Variants in MYO15A observed in about 807,000 individuals in gnomAD.
The protein encoded by MYO15A is myosin XVA, also known as unconventional myosin-XV.
MYO15A carries 308 observed loss-of-function variants against 394.6 expected under a neutral mutation model. The observed-to-expected ratio is 0.78, with a 90% CI of 0.71 to 0.86. MYO15A has a LOEUF of 0.86. Ranked by LOEUF, MYO15A falls within the 40% of genes least tolerant of loss-of-function variation. The pLI is 0.00. For synonymous variants in MYO15A, 1,957 were observed against 2,003.8 expected (o/e 0.98, Z 0.62); for missense variants, 4,606 against 4,799.1 (o/e 0.96, Z 1.19).
chr17:18,133,477 A>C, intron 12 of MYO15A, 91 bp downstream of exon 12: 3 of 1,509,368 alleles, frequency 2.0e-6, no homozygotes, highest in East Asian at 2.3e-5. Context: ...TTCAGATTAC[A>C]CTATGCACAT....
rs769671977 is a variant in MYO15A, at chr17:18,137,721, G to C, written c.4875+42G>C. 6.9e-6 allele frequency: 11 copies of C among 1,591,818 alleles called. No individual in the cohort carries two copies. The African/African-American group carries it at 1.3e-4, about 19-fold the overall frequency. ...AATACTCCTGTCCCTGTCTTGACTG[G>C]CCAGTGGACCTCCTTGGAGACAGAT... On this transcript the variant is annotated intron_variant, in intron 16 of 65. Coordinates refer to ENST00000647165, the MANE Select transcript of MYO15A (RefSeq NM_016239.4).
chr17:18,131,179 A>C (rs2142299030), intron 8 of MYO15A, 60 bp from the exon 9 acceptor site: 10 of 1,432,090 alleles, frequency 7.0e-6, no homozygotes, highest in South Asian at 1.2e-5. Flanking sequence ...TATGCCCCCC[A>C]CCCAGGCCCC....
Position 18,167,684 on chromosome 17 carries a change from T to A in MYO15A, c.10043T>A (p.Leu3348Gln). The change falls in exon 62 of 66, where the codon CTG becomes CAG. Residue 3348 changes from leucine to glutamine, a missense_variant. Around this residue, in one of 2 missense-constraint regions of MYO15A, gnomAD observed 2,776 missense variants for 3,109.3 expected, o/e 0.89. Coordinates refer to ENST00000647165, the MANE Select transcript of MYO15A (RefSeq NM_016239.4). ...CAGCAGGTGTCCAAGCTGGCTTCAC[T>A]GCAGCATCGCGCCAAGGACCACTTC... ...LLQQVSKLAS[L>Q]QHRAKDHFYL... The A allele has an allele frequency of 1.2e-6, 2 of 1,604,384 alleles. No individual in the cohort carries two copies. Among genetic ancestry groups the A allele is most frequent in the South Asian group, 2.2e-5 (2 of 91,086 alleles).
intron 7 of MYO15A, among the ~76,000 whole-genome samples, chr17:18,129,934 C>T (rs2046121767): frequency 6.6e-6 from 1 of 152,116 alleles, no homozygotes; most frequent in South Asian, 2.1e-4. Flanking sequence ...GGCTGGAGTG[C>T]AGTGGTGCCA....
intron 1 of MYO15A, chr17:18,109,810 G>A (rs2045700186): frequency 1.3e-5 from 2 of 152,204 alleles, no homozygotes; most frequent in African/African-American, 4.8e-5. Context: ...GTACATAGGA[G>A]CCAAAGACAT....
intron 47 of MYO15A, chr17:18,155,843 AC>A (rs2046665873): frequency 4.7e-6 from 2 of 425,048 alleles, no homozygotes; most frequent in Non-Finnish European, 8.8e-6. Flanking sequence ...TGGGAATGGA[AC>A]CTTGCTAACT....
At position 18,156,949 on chromosome 17, in the gene MYO15A, C is replaced by T. The variant is rs1457086520; in HGVS notation, c.8602-5C>T. ...TTGCCCTCACCCTGCCTCTGGCTGA[C>T]CCAGGACTCTGACTACGTGGTCGCT... On this transcript the variant is annotated splice_region_variant and splice_polypyrimidine_tract_variant and intron_variant, in intron 48 of 65. Transcript: ENST00000647165. 6.2e-7 allele frequency: 1 copy of T among 1,613,890 alleles called. No individual in the cohort carries two copies.
chr17:18,144,382 G>A (rs2046438652), intron 28 of MYO15A, 115 bp from the exon 29 acceptor site: 5 of 1,000,640 alleles, frequency 5.0e-6, no homozygotes, highest in Non-Finnish European at 3.1e-6. Flanking sequence ...TCCATACACT[G>A]AGGACCAAAG....
Position 18,148,449 on chromosome 17 carries a change from CTG to C in MYO15A, c.6692-46_6692-45del, listed in dbSNP as rs2046518410. 1 of 1,548,894 alleles carries C rather than the reference CTG, an allele frequency of 6.5e-7. No homozygotes were observed. Among genetic ancestry groups the C allele is most frequent in the Middle Eastern group, 1.8e-4 (1 of 5,652 alleles). ...AAGCAAGCAGGGAGGCACAGCCAAACTGGACTCAGATGCTCCAACCTGAGCCC... is the reference window on the plus strand; with the variant it reads ...AAGCAAGCAGGGAGGCACAGCCAAACGACTCAGATGCTCCAACCTGAGCCC... On this transcript the variant is annotated intron_variant, in intron 31 of 65. Transcript: ENST00000647165. This position sits in a 1 kb window ranked among gnomAD's most constrained non-coding sequence, Gnocchi z 4.8.
chr17:18,121,652 G>T lies in MYO15A; in HGVS notation c.2852G>T (p.Arg951Leu). 2 of 1,332,860 alleles carry T rather than the reference G, an allele frequency of 1.5e-6. No homozygotes were observed. Among genetic ancestry groups the T allele is most frequent in the Non-Finnish European group, 9.9e-7 (1 of 1,005,200 alleles). The allele number at this position is 1,332,860 out of a possible 1,614,324, so 82.6% of individuals were successfully genotyped here. ...TGGCCAGGAGGTGCAGGCAGCCGCC[G>T]AGGCTTTTCCAGGCCACCCCCTGTG... ...SPWPGGAGSR[R>L]GFSRPPPVPE... is the part of the protein sequence containing the mutation. The change falls in exon 2 of 66, where the codon CGA (arginine) becomes CTA (leucine). Residue 951 changes from arginine to leucine, a missense_variant. Physicochemically the swap from Arg to Leu is moderately radical, Grantham distance 102. This residue lies in a region of MYO15A where 1,830 missense variants were observed against 1,689.7 expected (regional missense o/e 1.08). Transcript: ENST00000647165. This position sits in a 1 kb window ranked among gnomAD's most constrained non-coding sequence, Gnocchi z 5.3.
Position 18,120,250 on chromosome 17 carries a change from C to T in MYO15A, c.1450C>T (p.Gln484Ter), listed in dbSNP as rs886052668. ...CAAGTTCCGCCTCTTCCCGCGACCC[C>T]AGGTGAAGCTGTTTGGGAAGGAGAA... is the stretch of plus-strand genomic sequence containing the variant. Reference protein sequence around the residue: ...IRKFRLFPRPQVKLFGKEKLE... With the variant: ...IRKFRLFPRP Residue 484 changes from glutamine (Q) to a stop codon, truncating the protein, a stop_gained, in exon 2 of 66, where the codon CAG (glutamine) becomes TAG (stop). Transcript: ENST00000647165. LOFTEE classifies it high-confidence loss of function. 6.2e-7 allele frequency: 1 copy of T among 1,612,202 alleles called. No individual in the cohort carries two copies. The highest frequency in any genetic ancestry group is 1.7e-5 in the Admixed American group (1 of 60,022).
In MYO15A at chr17:18,138,902, C is replaced by T. The variant is rs765341798; in HGVS notation, c.5099C>T (p.Thr1700Ile). 2 of 1,613,166 alleles carry T rather than the reference C, an allele frequency of 1.2e-6. No individual in the cohort carries two copies. The highest frequency in any genetic ancestry group is 4.5e-5 in the East Asian group (2 of 44,872). Residue 1700 changes from threonine to isoleucine, a missense_variant, in exon 18 of 66, where the codon ACC becomes ATC. By Grantham distance (89) the Thr-to-Ile change is moderately conservative (BLOSUM62 -1). This residue lies in a region of MYO15A where 2,776 missense variants were observed against 3,109.3 expected (regional missense o/e 0.89). Transcript: ENST00000647165. ...CCCAAGATGCCGCTGCCTGAGTTCA[C>T]CATCAAGCACTATGCAGGCAAGGTC... ...SKPKMPLPEF[T>I]IKHYAGKVTY...
intron 57 of MYO15A, 87 bp downstream of exon 57, chr17:18,161,534 G>T: frequency 6.4e-7 from 1 of 1,569,688 alleles, no homozygotes; most frequent in Non-Finnish European, 8.7e-7. Context: ...AAACCCAGAG[G>T]GCCTCGCTCT....
At position 18,147,019 on chromosome 17, in the gene MYO15A, A is replaced by G. The variant is rs569931898; in HGVS notation, c.6509+912A>G. ...CACACGTAAAGTGCTTAGAACAGAG[A>G]GGGGCACATGGTAGGTGCTATGTGG... is the stretch of plus-strand genomic sequence containing the variant. On this transcript the variant is annotated intron_variant, in intron 30 of 65. Coordinates refer to ENST00000647165, the MANE Select transcript of MYO15A (RefSeq NM_016239.4). The surrounding 1 kb of genome is among the most constrained non-coding windows in gnomAD (Gnocchi z 4.4). Among the ~76,000 whole-genome samples, 16 of 152,300 alleles carry G rather than the reference A, an allele frequency of 1.1e-4. No homozygotes were observed. The highest frequency in any genetic ancestry group is 3.4e-4 in the African/African-American group (14 of 41,572).
intron 65 of MYO15A, among the ~76,000 whole-genome samples, chr17:18,175,060 T>G (rs1172385394): frequency 6.7e-6 from 1 of 149,848 alleles, no homozygotes; most frequent in Admixed American, 6.7e-5. Context: ...CTGCAATGGC[T>G]CTGTGGTGTT....
In MYO15A at chr17:18,133,205, C is replaced by T. The variant is rs1371760463; in HGVS notation, c.4321-20C>T. On this transcript the variant is annotated intron_variant, in intron 11 of 65. Transcript: ENST00000647165. ...AGCCCCACCCAAGCTCCCTGACCCTCAGCCTCTGCCCTCATGCAGGGTGGG... is the reference window on the plus strand; with the variant it reads ...AGCCCCACCCAAGCTCCCTGACCCTTAGCCTCTGCCCTCATGCAGGGTGGG... 1.2e-6 allele frequency: 2 copies of T among 1,613,502 alleles called. No homozygotes were observed. Among genetic ancestry groups the T allele is most frequent in the Non-Finnish European group, 1.7e-6 (2 of 1,179,796 alleles).
Position 18,178,858 on chromosome 17 carries a change from C to G in MYO15A, c.10581C>G (p.Ile3527Met). 2 of 1,613,210 alleles carry G rather than the reference C, an allele frequency of 1.2e-6. No homozygotes were observed. The highest frequency in any genetic ancestry group is 1.1e-5 in the South Asian group (1 of 91,078). The change falls in exon 66 of 66, where the codon ATC (isoleucine) becomes ATG (methionine). Residue 3527 changes from isoleucine to methionine, a missense_variant. Around this residue, in one of 2 missense-constraint regions of MYO15A, gnomAD observed 2,776 missense variants for 3,109.3 expected, o/e 0.89. Coordinates refer to ENST00000647165, the MANE Select transcript of MYO15A (RefSeq NM_016239.4). Reference protein sequence around the residue: ...EKRLTLPPSEITLL With the variant: ...EKRLTLPPSEMTLL The stretch of plus-strand genomic sequence containing the variant: ...GGCTCACATTGCCCCCCAGCGAGAT[C>G]ACCCTGCTCTGACCCAGCCCCCAGC...
intron 48 of MYO15A, 118 bp downstream of exon 48, chr17:18,156,454 C>T (rs1567656988): frequency 3.3e-6 from 4 of 1,197,558 alleles, no homozygotes; most frequent in Non-Finnish European, 4.8e-6. Flanking sequence ...AAGGCCTTTG[C>T]ACTGGCTGTG....
chr17:18,119,764 T>C lies in MYO15A; in HGVS notation c.964T>C (p.Tyr322His), dbSNP rs1309513897. 7 of 1,612,628 alleles carry C rather than the reference T, an allele frequency of 4.3e-6. No individual in the cohort carries two copies. The highest frequency in any genetic ancestry group is 5.9e-6 in the Non-Finnish European group (7 of 1,179,926). The change falls in exon 2 of 66, where the codon TAC becomes CAC. Residue 322 changes from tyrosine to histidine, a missense_variant. By Grantham distance (83) the Tyr-to-His change is moderately conservative. Coordinates refer to ENST00000647165, the MANE Select transcript of MYO15A (RefSeq NM_016239.4). ...ACCCCCATATGCGCCCCCGTCGGGG[T>C]ACTCGTCTCCTTACAGCTACCACGA... The part of the protein sequence containing the change: ...YEPPYAPPSG[Y>H]SSPYSYHDGY...
Sources: allele counts gnomAD v4.1 joint callset (sites outside exome capture counted in the v4.1 genomes callset), GRCh38; gene constraint gnomAD v4.1.1; regional missense constraint gnomAD v4.1.1; non-coding constraint Gnocchi (gnomAD v3.1); transcripts MANE v1.5; gene names NCBI Gene and HGNC (gene_info 2026-07-23, HGNC 2026-07-21).